The following PTGFR variants were observed in gnomAD, a reference collection of about 807,000 sequenced individuals.
PTGFR encodes prostaglandin F receptor.
A neutral mutation model predicts 26.2 loss-of-function variants in PTGFR; 15 were observed. The ratio of observed to expected loss-of-function variants is 0.57; its 90% CI spans 0.38 to 0.88. The LOEUF (loss-of-function observed/expected upper bound fraction) is 0.88, where lower values mean the gene tolerates loss of function less well. Ranked by LOEUF, PTGFR falls within the 40% of genes least tolerant of loss-of-function variation. The probability of loss-of-function intolerance (pLI) is 0.00; values close to 1 mark genes in which losing one functional copy is unlikely to be tolerated. For synonymous variants in PTGFR, 165 were observed against 151.1 expected, an observed-to-expected ratio of 1.09 and a Z score of -0.68; for missense variants, 369 against 427.2, an observed-to-expected ratio of 0.86 and a Z score of 1.20.
rs182114128 is a variant in PTGFR at position 78,538,400 on chromosome 1, T to A, written c.*1713T>A. The stretch of plus-strand genomic sequence containing the variant: ...TTGAGGAGATCTTGCAACATGGCCA[T>A]GTGCAAGGCTTTAAGGAGTGAGAGA... On this transcript the variant is annotated 3_prime_UTR_variant, in exon 3 of 3. Transcript: ENST00000370757. 1 of 152,114 alleles carries A rather than the reference T, an allele frequency of 6.6e-6. No individual in the cohort carries two copies. The highest frequency in any genetic ancestry group is 6.6e-5 in the Admixed American group (1 of 15,234). 9.4% of individuals were successfully genotyped at this position (152,114 alleles called of 1,614,324 possible).
At position 78,515,521 on chromosome 1, in the gene PTGFR, C is replaced by T. The variant is rs149691957; in HGVS notation, c.799-20885C>T. On this transcript the variant is annotated intron_variant, in intron 2 of 2. Coordinates refer to ENST00000370757, the MANE Select transcript of PTGFR (RefSeq NM_000959.4). ...AGTCAAATGTATATGTGGCTGGTGG[C>T]TAAAAATCATCTCTCTAAAAAGAAT... Among the ~76,000 whole-genome samples the T allele has an allele frequency of 2.0e-5, 3 of 152,244 alleles. No homozygotes were observed. In the East Asian group the frequency reaches 5.8e-4, roughly 29 times the overall value.
In PTGFR at chr1:78,506,111, C is replaced by A. The variant is rs1290472093; in HGVS notation, c.798+12570C>A. ...TTTAACTTCTTGAGAAACCACCAAACCTTTTCACAGCAGCTGCACCATTTT... is the reference window on the plus strand; with the variant it reads ...TTTAACTTCTTGAGAAACCACCAAAACTTTTCACAGCAGCTGCACCATTTT... On this transcript the variant is annotated intron_variant, in intron 2 of 2. Transcript: ENST00000370757. Among the ~76,000 whole-genome samples the A allele has an allele frequency of 3.3e-5, 5 of 152,170 alleles. No individual in the cohort carries two copies. The East Asian group carries it at 7.7e-4, about 23-fold the overall frequency.
At chr1:78,526,083 C>T (rs1650365958) in intron 2 of PTGFR, among the ~76,000 whole-genome samples, 1 of 151,856 alleles carries the variant, frequency 6.6e-6, no homozygotes, top group South Asian at 2.1e-4. Context: ...TACAGTATGC[C>T]TTTAAAAACA....
intron 1 of PTGFR, among the ~76,000 whole-genome samples, chr1:78,492,293 G>C (rs143662556): frequency 1.3e-5 from 2 of 152,158 alleles, no homozygotes; most frequent in Admixed American, 1.3e-4. Context: ...ACTTTAAAAG[G>C]TCTCTCTCTC....
intron 2 of PTGFR, among the ~76,000 whole-genome samples, chr1:78,505,122 T>A (rs1367608258): frequency 7.1e-6 from 1 of 139,930 alleles, no homozygotes; most frequent in Non-Finnish European, 1.6e-5. Context: ...TATTCTAACT[T>A]TTTTTTTTTT....
intron 2 of PTGFR, among the ~76,000 whole-genome samples, chr1:78,531,305 C>T (rs888106128): frequency 6.6e-6 from 1 of 152,156 alleles, no homozygotes; most frequent in African/African-American, 2.4e-5. Context: ...ACAGAGACGT[C>T]TCTGTTGTAG....
chr1:78,510,609 G>T (rs1308427723), intron 2 of PTGFR, among the ~76,000 whole-genome samples: 1 of 152,130 alleles, frequency 6.6e-6, no homozygotes, highest in East Asian at 1.9e-4. Flanking sequence ...CATGAAATTT[G>T]GAGGGGACAA....
intron 2 of PTGFR, among the ~76,000 whole-genome samples, chr1:78,516,769 G>A (rs982491568): frequency 1.3e-5 from 2 of 151,874 alleles, no homozygotes; most frequent in Non-Finnish European, 2.9e-5. Flanking sequence ...CCTTTGAGAA[G>A]TCGTTTTTCT....
chr1:78,503,005 A>G (rs1045667818), intron 2 of PTGFR, among the ~76,000 whole-genome samples: 1 of 152,168 alleles, frequency 6.6e-6, no homozygotes, highest in South Asian at 2.1e-4. Context: ...GCTATCATTT[A>G]CAAAGAAAAA....
chr1:78,501,445 T>C (rs1287736302), intron 2 of PTGFR, among the ~76,000 whole-genome samples: 1 of 152,196 alleles, frequency 6.6e-6, no homozygotes, highest in East Asian at 1.9e-4. Context: ...TTTCAGAGCT[T>C]GTGTAAACCT....
Position 78,537,866 on chromosome 1 carries a change from A to T in PTGFR, c.*1179A>T, listed in dbSNP as rs1014115207. 1 of 152,148 alleles carries T rather than the reference A, an allele frequency of 6.6e-6. No individual in the cohort carries two copies. Among genetic ancestry groups the T allele is most frequent in the Non-Finnish European group, 1.5e-5 (1 of 68,008 alleles). The allele number at this position is 152,148 out of a possible 1,614,324, so 9.4% of individuals were successfully genotyped here. The stretch of plus-strand genomic sequence containing the variant: ...CCCAAATTTTCCAATAATAATTGAG[A>T]CTTTTTCTTTGCTTGTTTGTGTAAT... On this transcript the variant is annotated 3_prime_UTR_variant, in exon 3 of 3. Transcript: ENST00000370757.
chr1:78,510,552 T>G (rs1649939825), intron 2 of PTGFR, among the ~76,000 whole-genome samples: 1 of 152,046 alleles, frequency 6.6e-6, no homozygotes, highest in South Asian at 2.1e-4. Context: ...CAGGATGAAT[T>G]CACCTCCCAC....
chr1:78,511,052 G>C (rs1173230569), intron 2 of PTGFR, among the ~76,000 whole-genome samples: 1 of 152,208 alleles, frequency 6.6e-6, no homozygotes, highest in Non-Finnish European at 1.5e-5. Flanking sequence ...GCAGGGTGCA[G>C]CCACCATGGC....
intron 2 of PTGFR, among the ~76,000 whole-genome samples, chr1:78,512,982 T>C (rs1353293550): frequency 2.6e-5 from 4 of 151,442 alleles, no homozygotes; most frequent in African/African-American, 4.8e-5. Context: ...TCACCAGAAA[T>C]GGATGCTGGC....
chr1:78,527,622 A>AT (rs1365325733), intron 2 of PTGFR, among the ~76,000 whole-genome samples: 1 of 152,154 alleles, frequency 6.6e-6, no homozygotes, highest in Non-Finnish European at 1.5e-5. Flanking sequence ...TGCATGTTGA[A>AT]TATAACAGTA....
chr1:78,497,498 C>A (rs1649582499), intron 2 of PTGFR, among the ~76,000 whole-genome samples: 2 of 152,142 alleles, frequency 1.3e-5, no homozygotes, highest in South Asian at 4.1e-4. Context: ...TTCACCAGCA[C>A]TTTTGAGAAA....
chr1:78,505,037 G>A (rs527394760), intron 2 of PTGFR, among the ~76,000 whole-genome samples: 2 of 151,218 alleles, frequency 1.3e-5, no homozygotes, highest in Non-Finnish European at 2.9e-5. Context: ...TATCAAAGTC[G>A]TGTTTTGAAT....
At position 78,538,527 on chromosome 1, in the gene PTGFR, A is replaced by G. The variant is rs1650713182; in HGVS notation, c.*1840A>G. On this transcript the variant is annotated 3_prime_UTR_variant, in exon 3 of 3. Transcript: ENST00000370757. The stretch of plus-strand genomic sequence containing the variant: ...ATGTTAACCCAAGAAGTAGACATCA[A>G]AAATTAAAAAAAAAAAAAGGAATGT... The G allele has an allele frequency of 2.1e-5, 3 of 140,466 alleles. No individual in the cohort carries two copies. The highest frequency in any genetic ancestry group is 8.2e-5 in the African/African-American group (3 of 36,746). The allele number at this position is 140,466 out of a possible 1,614,324, so 8.7% of individuals were successfully genotyped here. A position where few individuals can be genotyped will look rare whatever the true frequency, so the allele number is the denominator to read the frequency against.
At chr1:78,517,501 G>C (rs185007870) in intron 2 of PTGFR, among the ~76,000 whole-genome samples, 1 of 152,170 alleles carries the variant, frequency 6.6e-6, no homozygotes, top group Non-Finnish European at 1.5e-5. Flanking sequence ...CTCACCATGA[G>C]CTTAGTCCTG....
Sources: allele counts gnomAD v4.1 joint callset (sites outside exome capture counted in the v4.1 genomes callset), GRCh38; gene constraint gnomAD v4.1.1; transcripts MANE v1.5; gene names NCBI Gene and HGNC (gene_info 2026-07-23, HGNC 2026-07-21).